ARL17A: variants seen among roughly 807,000 people sequenced by gnomAD.
The protein encoded by ARL17A is ARF like GTPase 17A.
chr17:46,542,710 T>C (rs1181222030), intron 3 of ARL17A, among the ~76,000 whole-genome samples: 1 of 150,146 alleles, frequency 6.7e-6, no homozygotes, highest in Non-Finnish European at 1.5e-5. Flanking sequence ...TATATATATT[T>C]ATATATATGT....
chr17:46,534,678 G>A (rs1163410237), intron 4 of ARL17A, among the ~76,000 whole-genome samples: 5 of 149,686 alleles, frequency 3.3e-5, no homozygotes, highest in Non-Finnish European at 7.4e-5. Context: ...AACCACCATC[G>A]TCATCATGGC....
chr17:46,528,623 G>A, downstream of ARL17A: 2 of 497,398 alleles, frequency 4.0e-6, no homozygotes, highest in Non-Finnish European at 6.9e-6. Context: ...TGAAGGCTGA[G>A]GCAGGAGAAT....
intron 3 of ARL17A, among the ~76,000 whole-genome samples, chr17:46,545,810 C>T (rs1485131427): frequency 1.5e-4 from 23 of 149,312 alleles, no homozygotes; most frequent in Non-Finnish European, 2.6e-4. Context: ...TATTTTTTAA[C>T]TCCGCAATCC....
In ARL17A at chr17:46,542,861, C is replaced by A. The variant is rs200735159; in HGVS notation, c.260-4435G>T. Among the ~76,000 whole-genome samples, 253 of 147,010 alleles carry A rather than the reference C, an allele frequency of 1.7e-3. No individual in the cohort carries two copies. The East Asian group carries it at 0.037, about 21-fold the overall frequency. ...CAGTTATGCTAGGGCTGGTTGAGGG[C>A]ATTTTGCAAGATTAGCATGGAAAGG... On this transcript the variant is annotated intron_variant, in intron 3 of 4. Transcript: ENST00000329240.
chr17:46,534,242 C>A (rs372168519), intron 4 of ARL17A, among the ~76,000 whole-genome samples: 1 of 145,698 alleles, frequency 6.9e-6, no homozygotes, highest in Non-Finnish European at 1.5e-5. Flanking sequence ...GTGTTTCTCG[C>A]AGAGGGGGAT....
intron 4 of ARL17A, among the ~76,000 whole-genome samples, chr17:46,534,736 C>T (rs1202102063): frequency 1.9e-4 from 29 of 149,996 alleles, no homozygotes; most frequent in African/African-American, 5.0e-5. Flanking sequence ...GGGTGGCGGC[C>T]GGGCAGAGGG....
At chr17:46,548,068 A>G, downstream of ARL17A, 2 of 89,596 alleles carry the variant, frequency 2.2e-5, no homozygotes, top group South Asian at 7.4e-5. Context: ...ATAATCCTAA[A>G]CAGAGTTACT....
chr17:46,569,276 T>C (rs1214937562), intron 3 of ARL17A, among the ~76,000 whole-genome samples: 5 of 150,792 alleles, frequency 3.3e-5, no homozygotes, highest in African/African-American at 4.9e-5. Context: ...CTGGAGAAAT[T>C]AGAATAAGGA....
At chr17:46,569,261 T>C (rs1453192088) in intron 3 of ARL17A, among the ~76,000 whole-genome samples, 1 of 151,322 alleles carries the variant, frequency 6.6e-6, no homozygotes, top group Non-Finnish European at 1.5e-5. Context: ...ATACATTTGA[T>C]ACAACTGGAG....
downstream of ARL17A, chr17:46,548,808 T>C (rs2145777285): frequency 6.2e-7 from 1 of 1,612,040 alleles, no homozygotes. Context: ...AGCAGGGGCC[T>C]GAGAAGTTAG....
At chr17:46,500,563 T>C in the ARL17A span, among the ~76,000 whole-genome samples, 3 of 150,466 alleles carry the variant, frequency 2.0e-5, no homozygotes, top group Non-Finnish European at 2.9e-5. Flanking sequence ...TTAATGACCA[T>C]AGAAATCACC....
chr17:46,551,052 T>C (rs1032731726), downstream of ARL17A, among the ~76,000 whole-genome samples: 6 of 149,892 alleles, frequency 4.0e-5, no homozygotes, highest in African/African-American at 1.5e-4. Context: ...TTACAAAAAT[T>C]TTTGGCCACA....
At chr17:46,550,161 A>G (rs2056621473), downstream of ARL17A, among the ~76,000 whole-genome samples, 1 of 27,618 alleles carries the variant, frequency 3.6e-5, no homozygotes, top group Admixed American at 3.3e-4. Flanking sequence ...ACAAAAAATA[A>G]GAAAATTAGC....
intron 3 of ARL17A, chr17:46,540,098 C>CA: frequency 6.5e-7 from 1 of 1,543,968 alleles, no homozygotes; most frequent in Non-Finnish European, 8.7e-7. Flanking sequence ...AGTTCCATAT[C>CA]AAAAAATGAA....
downstream of ARL17A, among the ~76,000 whole-genome samples, chr17:46,551,154 C>A (rs974834531): frequency 1.0e-4 from 15 of 149,572 alleles, 1 homozygote; most frequent in African/African-American, 3.3e-4. Flanking sequence ...TCTTGGACAC[C>A]ATGTGAGACA....
chr17:46,542,332 C>T (rs1193837498), intron 3 of ARL17A, among the ~76,000 whole-genome samples: 2 of 148,788 alleles, frequency 1.3e-5, no homozygotes, highest in Non-Finnish European at 2.9e-5. Context: ...GGTCTATGAT[C>T]CATTTTGAGT....
At chr17:46,501,008 C>T in the ARL17A span, among the ~76,000 whole-genome samples, 4 of 151,096 alleles carry the variant, frequency 2.6e-5, no homozygotes, top group African/African-American at 4.9e-5. Context: ...GGTGAGACCC[C>T]GTCTCTACTA....
chr17:46,550,050 T>G (rs1172928755), downstream of ARL17A, among the ~76,000 whole-genome samples: 2 of 6,964 alleles, frequency 2.9e-4, no homozygotes, highest in East Asian at 2.0e-3. Context: ...GGGTGGTAGC[T>G]CACGCCTGTA....
At chr17:46,532,315 G>A (rs1358417470) in intron 4 of ARL17A, among the ~76,000 whole-genome samples, 1 of 150,258 alleles carries the variant, frequency 6.7e-6, no homozygotes, top group African/African-American at 2.5e-5. Context: ...CGTTGAATTT[G>A]GTTTGCCAGA....
Sources: gnomAD v4.1 joint callset for allele counts (sites outside exome capture counted in the v4.1 genomes callset) on GRCh38, gnomAD v4.1.1 for gene constraint, MANE v1.5 for transcripts, NCBI Gene and HGNC (gene_info 2026-07-23, HGNC 2026-07-21) for gene names.